BBX: variants seen among roughly 807,000 people sequenced by gnomAD.
BBX encodes BBX high mobility group box domain containing.
Under a neutral mutation model 100.2 loss-of-function variants are expected in BBX, and 30 were observed. The observed-to-expected ratio is 0.30, with a 90% CI of 0.22 to 0.41. The LOEUF is 0.41. BBX is among the 10% of genes least tolerant of loss of function. The pLI is 1.00. For synonymous variants in BBX, 376 were observed against 388.1 expected (o/e 0.97, Z 0.37); for missense variants, 1,023 against 1,129.8 (o/e 0.91, Z 1.35).
chr3:107,783,658 C>T (rs2068122338), intron 13 of BBX, among the ~76,000 whole-genome samples: 1 of 151,874 alleles, frequency 6.6e-6, no homozygotes. Context: ...GTTGGTTTTC[C>T]ATGATTGCCT....
intron 9 of BBX, among the ~76,000 whole-genome samples, chr3:107,754,906 GTTGT>G (rs1362027502): frequency 6.6e-6 from 1 of 152,288 alleles, no homozygotes; most frequent in African/African-American, 2.4e-5. Flanking sequence ...AAAAGGCAGT[GTTGT>G]TTATTTTTAT....
At position 107,584,468 on chromosome 3, in the gene BBX, C is replaced by T. The variant is rs112230186; in HGVS notation, c.-84+58070C>T. ...GTCTGGAAAACTATATGGTGGGCAC[C>T]GGGGATGATAGCCCCTAACGTTACA... On this transcript the variant is annotated intron_variant, in intron 2 of 17. Transcript: ENST00000325805. 2.2e-3 allele frequency among the ~76,000 whole-genome samples: 329 copies of T among 149,264 alleles called. 1 individual carries two copies. The highest frequency in any genetic ancestry group is 4.1e-3 in the Non-Finnish European group (277 of 67,572).
chr3:107,624,591 G>A (rs1449810632), intron 2 of BBX, among the ~76,000 whole-genome samples: 2 of 152,120 alleles, frequency 1.3e-5, no homozygotes, highest in Non-Finnish European at 2.9e-5. Flanking sequence ...GTAGTTGGTC[G>A]GGCACAGTGG....
intron 3 of BBX, among the ~76,000 whole-genome samples, chr3:107,699,779 C>T (rs1054921241): frequency 1.3e-5 from 2 of 151,724 alleles, no homozygotes; most frequent in Non-Finnish European, 2.9e-5. Flanking sequence ...CATAACTCCA[C>T]AAGGGTATGG....
At chr3:107,549,937 G>A (rs1280603007) in intron 2 of BBX, among the ~76,000 whole-genome samples, 16 of 150,728 alleles carry the variant, frequency 1.1e-4, no homozygotes, top group Admixed American at 1.1e-3. Flanking sequence ...TAACTCTCAA[G>A]GAGCCAGGAC....
intron 3 of BBX, among the ~76,000 whole-genome samples, chr3:107,688,468 T>C (rs555964182): frequency 6.3e-4 from 96 of 152,348 alleles, no homozygotes; most frequent in African/African-American, 2.1e-3. Flanking sequence ...GCAGTGTGGA[T>C]AAATTTAGCC....
intron 2 of BBX, among the ~76,000 whole-genome samples, chr3:107,604,467 A>G (rs1038394161): frequency 7.9e-5 from 12 of 151,928 alleles, no homozygotes; most frequent in Non-Finnish European, 1.8e-4. Flanking sequence ...GTTTGTCACT[A>G]TTACTCTTAA....
rs557761010 is a variant in BBX at position 107,578,904 on chromosome 3, G to A, written c.-84+52506G>A. Among the ~76,000 whole-genome samples, 5 of 152,266 alleles carry A rather than the reference G, an allele frequency of 3.3e-5. No individual in the cohort carries two copies. In the South Asian group the frequency reaches 6.2e-4, roughly 19 times the overall value. On this transcript the variant is annotated intron_variant, in intron 2 of 17. Transcript: ENST00000325805. ...AGAGTAGAAGAAGGCAGTTGCAGGCGGCAGCTACCTGATTGGGGTGAGTTA... is the reference window on the plus strand; with the variant it reads ...AGAGTAGAAGAAGGCAGTTGCAGGCAGCAGCTACCTGATTGGGGTGAGTTA...
At chr3:107,577,708 C>T (rs1051523068) in intron 2 of BBX, among the ~76,000 whole-genome samples, 6 of 151,884 alleles carry the variant, frequency 4.0e-5, no homozygotes, top group African/African-American at 1.5e-4. Flanking sequence ...CTGCAGTAAT[C>T]GTAAATGAAA....
chr3:107,593,748 T>G (rs888229116), intron 2 of BBX, among the ~76,000 whole-genome samples: 2 of 152,122 alleles, frequency 1.3e-5, no homozygotes, highest in African/African-American at 4.8e-5. Context: ...TCTCAGTCCC[T>G]GTAAGTGGAA....
chr3:107,614,867 A>G (rs2055134686), intron 2 of BBX, among the ~76,000 whole-genome samples: 1 of 152,186 alleles, frequency 6.6e-6, no homozygotes. Context: ...GGAGAATATC[A>G]GAATACCTTG....
At chr3:107,707,330 T>C (rs1445964886) in intron 3 of BBX, among the ~76,000 whole-genome samples, 1 of 152,150 alleles carries the variant, frequency 6.6e-6, no homozygotes, top group African/African-American at 2.4e-5. Flanking sequence ...GAAAAGAATA[T>C]CTGAATTCAG....
intron 3 of BBX, among the ~76,000 whole-genome samples, chr3:107,660,815 G>T (rs1198248609): frequency 6.6e-6 from 1 of 152,126 alleles, no homozygotes; most frequent in South Asian, 2.1e-4. Flanking sequence ...GAATACTCGT[G>T]CATACAAAGA....
In BBX at chr3:107,694,619, G is replaced by A. The variant is rs1367408237; in HGVS notation, c.-9-15833G>A. Among the ~76,000 whole-genome samples the A allele has an allele frequency of 6.0e-3, 895 of 148,474 alleles. 15 individuals are homozygous for A. The highest frequency in any genetic ancestry group is 0.021 in the African/African-American group (848 of 39,840). On this transcript the variant is annotated intron_variant, in intron 3 of 17. Transcript: ENST00000325805. Reference sequence around the variant, plus strand: ...TGCCAGTATTTTATTGAGGATTTTTGCATCAATGTTCATCAAGGATATTGG... The same window carrying A: ...TGCCAGTATTTTATTGAGGATTTTTACATCAATGTTCATCAAGGATATTGG...
At chr3:107,745,258 C>T (rs1227216865) in intron 8 of BBX, among the ~76,000 whole-genome samples, 1 of 152,104 alleles carries the variant, frequency 6.6e-6, no homozygotes, top group Non-Finnish European at 1.5e-5. Flanking sequence ...GATATCAAGT[C>T]TAAAGTTTAA....
At position 107,584,679 on chromosome 3, in the gene BBX, T is replaced by C. The variant is rs868146454; in HGVS notation, c.-84+58281T>C. Among the ~76,000 whole-genome samples the C allele has an allele frequency of 2.5e-4, 24 of 94,272 alleles. No individual in the cohort carries two copies. In the South Asian group the frequency reaches 8.6e-3, roughly 34 times the overall value. 61.8% of individuals were successfully genotyped at this position (94,272 alleles called of 152,430 possible). A position where few individuals can be genotyped will look rare whatever the true frequency, so the allele number is the denominator to read the frequency against. ...TGATTTTTCCGTTGAAATCTTTTTT[T>C]TTTTTTTTTTTTTTTTTTTTTTTTT... On this transcript the variant is annotated intron_variant, in intron 2 of 17. Transcript: ENST00000325805.
intron 3 of BBX, among the ~76,000 whole-genome samples, chr3:107,656,216 A>G (rs1170204968): frequency 1.3e-5 from 2 of 152,134 alleles, no homozygotes; most frequent in African/African-American, 4.8e-5. Flanking sequence ...GTTCTGTGAA[A>G]GTATTTATTT....
At chr3:107,627,608 G>A (rs2056274665) in intron 2 of BBX, among the ~76,000 whole-genome samples, 1 of 151,996 alleles carries the variant, frequency 6.6e-6, no homozygotes, top group African/African-American at 2.4e-5. Flanking sequence ...TGTTATACAT[G>A]CATTTTTTAT....
At chr3:107,627,528 C>G (rs1329563087) in intron 2 of BBX, among the ~76,000 whole-genome samples, 8 of 152,096 alleles carry the variant, frequency 5.3e-5, no homozygotes, top group Non-Finnish European at 1.0e-4. Context: ...ACAATTTTGA[C>G]CCACAGTGAA....
Sources: allele counts gnomAD v4.1 joint callset (sites outside exome capture counted in the v4.1 genomes callset), GRCh38; gene constraint gnomAD v4.1.1; transcripts MANE v1.5; gene names NCBI Gene and HGNC (gene_info 2026-07-23, HGNC 2026-07-21).